Variants in JAKMIP3 observed in about 807,000 individuals in gnomAD.
JAKMIP3 encodes janus kinase and microtubule-interacting protein 3.
In JAKMIP3, 58 loss-of-function variants were observed where a neutral mutation model predicts 118.5. The ratio of observed to expected loss-of-function variants is 0.49; its 90% CI spans 0.40 to 0.61. The LOEUF is 0.61. Ranked by LOEUF, JAKMIP3 falls within the 20% of genes least tolerant of loss-of-function variation. The probability of loss-of-function intolerance (pLI) is 0.00; values close to 1 mark genes in which losing one functional copy is unlikely to be tolerated. For missense variants in JAKMIP3, 950 were observed against 1,109.0 expected, an observed-to-expected ratio of 0.86 and a Z score of 2.04; for synonymous variants, 486 against 451.2, an observed-to-expected ratio of 1.08 and a Z score of -0.98.
intron 1 of JAKMIP3, among the ~76,000 whole-genome samples, chr10:132,101,876 G>A (rs973306767): frequency 5.1e-4 from 78 of 152,272 alleles, no homozygotes; most frequent in African/African-American, 1.8e-3. Flanking sequence ...GACAGGACCT[G>A]GCCCTTCCCC....
intron 21 of JAKMIP3, among the ~76,000 whole-genome samples, chr10:132,165,058 C>G (rs973877919): frequency 1.3e-5 from 2 of 152,258 alleles, no homozygotes; most frequent in Non-Finnish European, 2.9e-5. Context: ...CCAACGGCCT[C>G]GGGTTCCTCC....
chr10:132,173,397 G>T (rs1043176656), intron 23 of JAKMIP3, among the ~76,000 whole-genome samples: 2 of 151,206 alleles, frequency 1.3e-5, no homozygotes, highest in South Asian at 2.1e-4. Context: ...CATCTGTGCG[G>T]CCCTGGCATA....
chr10:132,038,887 C>A (rs999127690), intron 1 of JAKMIP3, among the ~76,000 whole-genome samples: 1 of 151,888 alleles, frequency 6.6e-6, no homozygotes, highest in Admixed American at 6.6e-5. Flanking sequence ...TGTGGGTGTC[C>A]CCCTGTTAGG....
chr10:132,081,249 T>C (rs972214859), intron 1 of JAKMIP3, among the ~76,000 whole-genome samples: 4 of 152,236 alleles, frequency 2.6e-5, no homozygotes, highest in African/African-American at 9.6e-5. Context: ...TTGTCAAAGA[T>C]CATTTTATAT....
chr10:132,172,456 C>T (rs1164586707), intron 23 of JAKMIP3, among the ~76,000 whole-genome samples: 4 of 152,064 alleles, frequency 2.6e-5, no homozygotes, highest in African/African-American at 9.7e-5. Flanking sequence ...CCCCGATCTC[C>T]GCACCCGTTG....
At chr10:132,181,018 G>T (rs1317531113) in intron 23 of JAKMIP3, among the ~76,000 whole-genome samples, 1 of 143,478 alleles carries the variant, frequency 7.0e-6, no homozygotes, top group East Asian at 1.9e-4. Flanking sequence ...TGTGCAGTGT[G>T]TATGTGCTGT....
chr10:132,081,547 T>C (rs1564876975), intron 1 of JAKMIP3, among the ~76,000 whole-genome samples: 1 of 152,204 alleles, frequency 6.6e-6, no homozygotes, highest in African/African-American at 2.4e-5. Context: ...GAGTCTTGTC[T>C]GTTCTTATCC....
intron 14 of JAKMIP3, among the ~76,000 whole-genome samples, chr10:132,148,832 C>G (rs905558854): frequency 6.6e-6 from 1 of 152,174 alleles, no homozygotes; most frequent in East Asian, 1.9e-4. Context: ...CAGGGGCCGC[C>G]CCTGCCGAGC....
intron 19 of JAKMIP3, among the ~76,000 whole-genome samples, chr10:132,159,794 TGGGGG>T (rs1554955299): frequency 3.7e-5 from 1 of 27,334 alleles, no homozygotes; most frequent in Non-Finnish European, 6.4e-5. Context: ...TGTGTGATGC[TGGGGG>T]GCCTCTCGCT....
chr10:132,064,448 G>A (rs368149656), upstream of JAKMIP3, among the ~76,000 whole-genome samples: 9 of 152,146 alleles, frequency 5.9e-5, no homozygotes, highest in African/African-American at 1.9e-4. The surrounding 1 kb of genome is among the most constrained non-coding windows in gnomAD (Gnocchi z 4.4). Flanking sequence ...CCGAGCCGCC[G>A]GCATGGGAAC....
At chr10:132,132,345 C>T (rs1407662760) in intron 3 of JAKMIP3, among the ~76,000 whole-genome samples, 1 of 152,150 alleles carries the variant, frequency 6.6e-6, no homozygotes, top group Admixed American at 6.5e-5. Context: ...CTTGTCTTTT[C>T]ATAAATCTAG....
intron 1 of JAKMIP3, among the ~76,000 whole-genome samples, chr10:132,052,827 A>G (rs2038137183): frequency 6.6e-6 from 1 of 152,216 alleles, no homozygotes; most frequent in Admixed American, 6.5e-5. Flanking sequence ...GAAAAAGTTT[A>G]TGTGGTGGGG....
chr10:132,164,893 G>A (rs970171449), intron 21 of JAKMIP3, among the ~76,000 whole-genome samples, 158 bp downstream of exon 21: 24 of 152,198 alleles, frequency 1.6e-4, no homozygotes, highest in Middle Eastern at 3.4e-3. Flanking sequence ...AAGGCTGGGC[G>A]GAGCTGAGCT....
At chr10:132,149,063 G>T (rs1420216510) in intron 14 of JAKMIP3, among the ~76,000 whole-genome samples, 1 of 152,160 alleles carries the variant, frequency 6.6e-6, no homozygotes, top group African/African-American at 2.4e-5. Context: ...CAGACCTGAA[G>T]GGGATGCAAC....
At chr10:132,128,862 G>C (rs1046504666) in intron 3 of JAKMIP3, among the ~76,000 whole-genome samples, 5 of 152,112 alleles carry the variant, frequency 3.3e-5, no homozygotes, top group Admixed American at 2.6e-4. Context: ...GATTTAAAAA[G>C]TTCCTATCGG....
rs2051038522 is a variant in JAKMIP3 at position 132,133,403 on chromosome 10, A to C, written c.725A>C (p.Gln242Pro). Residue 242 changes from glutamine (Q) to proline (P), a missense_variant, in exon 4 of 24, where the codon CAA becomes CCA. Gln to Pro is a moderately conservative substitution (Grantham distance 76). Transcript: ENST00000684848. ...QAGHAQRLQLQKEALDEQLSQ... is the reference protein window; with the variant it reads ...QAGHAQRLQLPKEALDEQLSQ... Reference sequence around the variant, plus strand: ...GGGCATGCTCAGAGACTGCAGCTCCAAAAAGAGGCTCTAGATGAGCAGCTG... The same window carrying C: ...GGGCATGCTCAGAGACTGCAGCTCCCAAAAGAGGCTCTAGATGAGCAGCTG... 6.2e-7 allele frequency: 1 copy of C among 1,600,272 alleles called. No individual in the cohort carries two copies. The highest frequency in any genetic ancestry group is 8.5e-7 in the Non-Finnish European group (1 of 1,173,578).
intron 22 of JAKMIP3, 74 bp from the exon 23 acceptor site, chr10:132,167,879 C>G (rs2059110658): frequency 8.6e-6 from 10 of 1,158,714 alleles, no homozygotes; most frequent in Non-Finnish European, 1.1e-5. Flanking sequence ...CGCCCCTCGC[C>G]CCTCGGCCCT....
chr10:132,165,744 G>A (rs969114283), intron 21 of JAKMIP3, among the ~76,000 whole-genome samples: 3 of 152,182 alleles, frequency 2.0e-5, no homozygotes, highest in Non-Finnish European at 4.4e-5. Context: ...GCCCTGCCCC[G>A]CCCCTCGTAG....
In JAKMIP3 at chr10:132,180,546, C is replaced by CGCGTGTGTGTGT. The variant is rs1467305126; in HGVS notation, c.*1104-1810_*1104-1809insCGTGTGTGTGTG. Reference sequence around the variant, plus strand: ...AACTGTGTGTGTGTGTGTGTGTGTGCGTGCGTGCATGCGTGTGTGTGCGTG... The same window carrying CGCGTGTGTGTGT: ...AACTGTGTGTGTGTGTGTGTGTGTGCGCGTGTGTGTGTGTGCGTGCATGCGTGTGTGTGCGTG... On this transcript the variant is annotated intron_variant, in intron 23 of 23. Transcript: ENST00000684848. Among the ~76,000 whole-genome samples, 3 of 15,966 alleles carry CGCGTGTGTGTGT rather than the reference C, an allele frequency of 1.9e-4. 1 individual carries two copies. Among genetic ancestry groups the CGCGTGTGTGTGT allele is most frequent in the Admixed American group, 7.9e-4 (1 of 1,258 alleles). 10.5% of individuals were successfully genotyped at this position (15,966 alleles called of 152,430 possible).
Sources: gnomAD v4.1 joint callset for allele counts (sites outside exome capture counted in the v4.1 genomes callset) on GRCh38, gnomAD v4.1.1 for gene constraint, Gnocchi (gnomAD v3.1) non-coding constraint, MANE v1.5 for transcripts, NCBI Gene and HGNC (gene_info 2026-07-23, HGNC 2026-07-21) for gene names.